The following NCOA7 variants were observed in gnomAD, a reference collection of about 807,000 sequenced individuals.
NCOA7 encodes the protein nuclear receptor coactivator 7, also known as 140 kDa estrogen receptor-associated protein.
Under a neutral mutation model 104.3 loss-of-function variants are expected in NCOA7, and 45 were observed. The observed-to-expected ratio is 0.43, with a 90% CI of 0.34 to 0.55. The LOEUF (loss-of-function observed/expected upper bound fraction) is 0.55, where lower values mean the gene tolerates loss of function less well. Ranked by LOEUF, NCOA7 falls within the 20% of genes least tolerant of loss-of-function variation. NCOA7 has a pLI of 0.02. For missense variants in NCOA7, 1,041 were observed against 1,119.7 expected, an observed-to-expected ratio of 0.93 and a Z score of 1.00; for synonymous variants, 398 against 402.3, an observed-to-expected ratio of 0.99 and a Z score of 0.13.
chr6:125,898,220 TG>T (rs1398470795), intron 10 of NCOA7, among the ~76,000 whole-genome samples: 1 of 152,268 alleles, frequency 6.6e-6, no homozygotes, highest in Non-Finnish European at 1.5e-5. Flanking sequence ...GCCATCCATC[TG>T]AAATCTTACT....
rs547475695 is a variant in NCOA7 at position 125,840,397 on chromosome 6, G to A, written c.51-14623G>A. Among the ~76,000 whole-genome samples the A allele has an allele frequency of 8.5e-4, 130 of 152,182 alleles. 1 individual carries two copies. The highest frequency in any genetic ancestry group is 2.7e-3 in the Admixed American group (41 of 15,286). ...ATTATATAAATTTAGTGCAGCCTAAGTATACAGTGTTTAGAAAGTCTGCAG... is the reference window on the plus strand; with the variant it reads ...ATTATATAAATTTAGTGCAGCCTAAATATACAGTGTTTAGAAAGTCTGCAG... On this transcript the variant is annotated intron_variant, in intron 2 of 15. Coordinates refer to ENST00000392477, the MANE Select transcript of NCOA7 (RefSeq NM_181782.5).
At chr6:125,919,501 T>C in intron 11 of NCOA7, 1 of 1,452,408 alleles carries the variant, frequency 6.9e-7, no homozygotes, top group South Asian at 1.2e-5. Flanking sequence ...TCCGAGTTTC[T>C]TTTGAAAGTC....
At chr6:125,804,616 C>T (rs1776251101) in intron 1 of NCOA7, among the ~76,000 whole-genome samples, 1 of 152,136 alleles carries the variant, frequency 6.6e-6, no homozygotes, top group African/African-American at 2.4e-5. Flanking sequence ...AACTTCAAAA[C>T]TGACTTATAC....
At chr6:125,862,031 C>T (rs1782099989) in intron 3 of NCOA7, among the ~76,000 whole-genome samples, 1 of 61,414 alleles carries the variant, frequency 1.6e-5, no homozygotes, top group Non-Finnish European at 2.7e-5. Context: ...GAGTGAAACT[C>T]TTTCTCAAAA....
chr6:125,840,383 T>G (rs1254055329), intron 2 of NCOA7, among the ~76,000 whole-genome samples: 1 of 151,986 alleles, frequency 6.6e-6, no homozygotes, highest in Non-Finnish European at 1.5e-5. Context: ...TTATATAAAT[T>G]TAGTGCAGCC....
At chr6:125,886,795 C>A (rs1784298532) in intron 8 of NCOA7, among the ~76,000 whole-genome samples, 1 of 152,162 alleles carries the variant, frequency 6.6e-6, no homozygotes, top group African/African-American at 2.4e-5. Flanking sequence ...ACAATAAGTA[C>A]AAATTACCCA....
chr6:125,929,930 A>G lies in NCOA7; in HGVS notation c.*1159A>G, dbSNP rs1282067137. 1 of 152,210 alleles carries G rather than the reference A, an allele frequency of 6.6e-6. No individual in the cohort carries two copies. Among genetic ancestry groups the G allele is most frequent in the Non-Finnish European group, 1.5e-5 (1 of 68,038 alleles). The allele number at this position is 152,210 out of a possible 1,614,324, so 9.4% of individuals were successfully genotyped here. A position where few individuals can be genotyped will look rare whatever the true frequency, so the allele number is the denominator to read the frequency against. The stretch of plus-strand genomic sequence containing the variant: ...AAATGAAAAACGTCAAATTGGACCA[A>G]TTGTCTTGGTTTCTTGATTCATTTA... On this transcript the variant is annotated 3_prime_UTR_variant, in exon 16 of 16. Transcript: ENST00000392477.
At chr6:125,885,559 CAAAG>C (rs912226178) in intron 8 of NCOA7, among the ~76,000 whole-genome samples, 2 of 151,980 alleles carry the variant, frequency 1.3e-5, no homozygotes, top group Admixed American at 1.3e-4. Flanking sequence ...AGGAGAAAAA[CAAAG>C]AAGCCGTCAT....
intron 15 of NCOA7, 63 bp downstream of exon 15, chr6:125,928,310 T>C (rs1384024555): frequency 1.6e-5 from 23 of 1,438,752 alleles, no homozygotes; most frequent in Non-Finnish European, 2.1e-5. Context: ...AGTGGGTCTG[T>C]TTTGACCTAC....
At chr6:125,795,377 AG>A (rs772388441) in intron 1 of NCOA7, among the ~76,000 whole-genome samples, 101 of 152,298 alleles carry the variant, frequency 6.6e-4, no homozygotes, top group Non-Finnish European at 1.1e-3. Flanking sequence ...ATGGTTCAAA[AG>A]GTACGCATGG....
rs111302010 is a variant in NCOA7 at position 125,928,810 on chromosome 6, G to A, written c.*39G>A. 9.1e-4 allele frequency: 1,451 copies of A among 1,593,956 alleles called. 11 individuals are homozygous for A. The African/African-American group carries it at 0.017, about 19-fold the overall frequency. On this transcript the variant is annotated 3_prime_UTR_variant, in exon 16 of 16. Transcript: ENST00000392477. ...TTAAAATATAACATTAAAAAGACTG[G>A]GTTCGATCAGCCCTCCTAAAGCTGG...
In NCOA7 at chr6:125,930,687, A is replaced by C. The variant is rs1421223216; in HGVS notation, c.*1916A>C. On this transcript the variant is annotated 3_prime_UTR_variant, in exon 16 of 16. Transcript: ENST00000392477. Reference sequence around the variant, plus strand: ...ATTATTATACTCCTTAATTCCATGCAAATTTAAATGAATGCTATAAAATTT... The same window carrying C: ...ATTATTATACTCCTTAATTCCATGCCAATTTAAATGAATGCTATAAAATTT... 6.6e-6 allele frequency: 1 copy of C among 152,296 alleles called. No homozygotes were observed. Among genetic ancestry groups the C allele is most frequent in the Non-Finnish European group, 1.5e-5 (1 of 68,042 alleles). The allele number at this position is 152,296 out of a possible 1,614,324, so 9.4% of individuals were successfully genotyped here.
At chr6:125,885,375 G>C in intron 8 of NCOA7, 32 bp downstream of exon 8, 1 of 1,606,178 alleles carries the variant, frequency 6.2e-7, no homozygotes, top group Non-Finnish European at 8.5e-7. Context: ...CAGGAAAAAA[G>C]GGGTGTTGAG....
intron 11 of NCOA7, among the ~76,000 whole-genome samples, chr6:125,920,462 T>C (rs955970330): frequency 2.0e-5 from 3 of 152,250 alleles, no homozygotes; most frequent in Admixed American, 2.0e-4. Flanking sequence ...AAGAGAATCA[T>C]TTAGGGCATT....
At chr6:125,840,224 CT>C (rs1427317984) in intron 2 of NCOA7, among the ~76,000 whole-genome samples, 1 of 151,832 alleles carries the variant, frequency 6.6e-6, no homozygotes, top group Non-Finnish European at 1.5e-5. Flanking sequence ...TAGAAAAAAG[CT>C]TATAGAATAA....
intron 10 of NCOA7, among the ~76,000 whole-genome samples, chr6:125,910,103 T>A (rs1786389264): frequency 1.3e-5 from 2 of 152,224 alleles, no homozygotes; most frequent in South Asian, 4.1e-4. Context: ...CAAAGTTGTC[T>A]TGTTTTTGTT....
At chr6:125,806,171 T>C (rs1369857969) in intron 1 of NCOA7, among the ~76,000 whole-genome samples, 2 of 151,980 alleles carry the variant, frequency 1.3e-5, no homozygotes, top group African/African-American at 4.8e-5. Context: ...CAAAACCCCA[T>C]CTCTACTAAA....
intron 15 of NCOA7, 61 bp downstream of exon 15, chr6:125,928,308 T>G (rs1788216578): frequency 7.0e-7 from 1 of 1,435,870 alleles, no homozygotes; most frequent in Non-Finnish European, 9.6e-7. Context: ...TGAGTGGGTC[T>G]GTTTTGACCT....
rs985577607 is a variant in NCOA7, at chr6:125,894,993, GAT to G, written c.2096+4187_2096+4188del. Among the ~76,000 whole-genome samples the G allele has an allele frequency of 3.3e-5, 5 of 152,052 alleles. 1 individual carries two copies. Among genetic ancestry groups the G allele is most frequent in the Admixed American group, 3.3e-4 (5 of 15,260 alleles). On this transcript the variant is annotated intron_variant, in intron 10 of 15. Transcript: ENST00000392477. The stretch of plus-strand genomic sequence containing the variant: ...AAGATACTTCTTAACACTTTGTAGA[GAT>G]ATAATATTCCGTGAATTTGGATACT...
Sources: gnomAD v4.1 joint callset for allele counts (sites outside exome capture counted in the v4.1 genomes callset) on GRCh38, gnomAD v4.1.1 for gene constraint, MANE v1.5 for transcripts, NCBI Gene and HGNC (gene_info 2026-07-23, HGNC 2026-07-21) for gene names.